PDE1A: variants seen among roughly 807,000 people sequenced by gnomAD.
The protein encoded by PDE1A is dual specificity calcium/calmodulin-dependent 3',5'-cyclic nucleotide phosphodiesterase 1A.
PDE1A carries 35 observed loss-of-function variants against 61.7 expected under a neutral mutation model. The ratio of observed to expected loss-of-function variants is 0.57; its 90% CI spans 0.43 to 0.75. The LOEUF (loss-of-function observed/expected upper bound fraction) is 0.75. Ranked by LOEUF, PDE1A falls within the 30% of genes least tolerant of loss-of-function variation. The probability of loss-of-function intolerance (pLI) is 0.00; values close to 1 mark genes in which losing one functional copy is unlikely to be tolerated. For synonymous variants in PDE1A, 232 were observed against 213.2 expected, an observed-to-expected ratio of 1.09 and a Z score of -0.77; for missense variants, 597 against 630.6, an observed-to-expected ratio of 0.95 and a Z score of 0.57.
At position 182,499,173 on chromosome 2, in the gene PDE1A, G is replaced by GTTTTTTTT. The variant is rs545033513; in HGVS notation, c.101+23095_101+23102dup. On this transcript the variant is annotated intron_variant, in intron 2 of 14. Coordinates refer to the PDE1A transcript ENST00000410103. Reference sequence around the variant, plus strand: ...AGGCTATTTTCTTTCTCTTTTTCTTGTTTTTTTTTTTTTTTTTTTTTGAGA... The same window carrying GTTTTTTTT: ...AGGCTATTTTCTTTCTCTTTTTCTTGTTTTTTTTTTTTTTTTTTTTTTTTTTTTTGAGA... Among the ~76,000 whole-genome samples the GTTTTTTTT allele has an allele frequency of 2.8e-4, 22 of 77,320 alleles. 1 individual carries two copies. The highest frequency in any genetic ancestry group is 7.3e-4 in the African/African-American group (12 of 16,372). The allele number at this position is 77,320 out of a possible 152,430, so 50.7% of individuals were successfully genotyped here.
At chr2:182,634,307 G>A in the PDE1A span, among the ~76,000 whole-genome samples, 2 of 152,140 alleles carry the variant, frequency 1.3e-5, no homozygotes, top group Non-Finnish European at 2.9e-5. Flanking sequence ...CTCAGCTGAT[G>A]AGTTTTGAAC....
chr2:182,264,890 T>TATATAC, intron 1 of PDE1A, among the ~76,000 whole-genome samples: 1 of 139,136 alleles, frequency 7.2e-6, no homozygotes, highest in Admixed American at 7.6e-5. Flanking sequence ...TATATATATA[T>TATATAC]ATGTATATAT....
At chr2:182,500,742 A>C (rs1342910222) in intron 2 of PDE1A, among the ~76,000 whole-genome samples, 1 of 152,218 alleles carries the variant, frequency 6.6e-6, no homozygotes, top group Admixed American at 6.5e-5. Flanking sequence ...CAAAAGGCCA[A>C]AAGTAGATGT....
At chr2:182,231,404 A>T (rs895294787) in intron 4 of PDE1A, among the ~76,000 whole-genome samples, 2 of 152,188 alleles carry the variant, frequency 1.3e-5, no homozygotes, top group African/African-American at 4.8e-5. Context: ...TAATACTGCC[A>T]TTATCTTTAA....
intron 2 of PDE1A, among the ~76,000 whole-genome samples, chr2:182,462,331 GTATATATATATATGTATATCT>G (rs1686358063): frequency 1.3e-5 from 2 of 149,870 alleles, no homozygotes; most frequent in South Asian, 4.2e-4. Context: ...ATATAAAAAA[GTATATATATATATGTATATCT>G]TATATATATG....
At chr2:182,676,988 C>T in the PDE1A span, among the ~76,000 whole-genome samples, 5 of 152,092 alleles carry the variant, frequency 3.3e-5, no homozygotes, top group African/African-American at 1.2e-4. Flanking sequence ...GGAAACATTC[C>T]CCTTGAAAAC....
chr2:182,467,337 C>G (rs1004630371), intron 2 of PDE1A, among the ~76,000 whole-genome samples: 1 of 151,720 alleles, frequency 6.6e-6, no homozygotes, highest in Non-Finnish European at 1.5e-5. Flanking sequence ...AGGGGAAATT[C>G]CTAAATATCA....
the PDE1A span, among the ~76,000 whole-genome samples, chr2:182,611,294 G>A: frequency 2.0e-5 from 3 of 152,060 alleles, no homozygotes; most frequent in South Asian, 6.2e-4. Context: ...AGGAGCGCAG[G>A]AAAAACAAGG....
In PDE1A at chr2:182,337,644, G is replaced by A. The variant is rs551360374; in HGVS notation, c.54-73230C>T. Among the ~76,000 whole-genome samples the A allele has an allele frequency of 1.2e-4, 19 of 152,182 alleles. No individual in the cohort carries two copies. The South Asian group carries it at 3.9e-3, about 32-fold the overall frequency. ...AAGAAACAGAAGCTATCATTAGAAA[G>A]CTGCTTCATTTCCTTTCCCCATCCA... On this transcript the variant is annotated intron_variant, in intron 1 of 13. Transcript: ENST00000351439.
At chr2:182,518,738 C>G (rs1690371815) in intron 2 of PDE1A, among the ~76,000 whole-genome samples, 1 of 152,120 alleles carries the variant, frequency 6.6e-6, no homozygotes, top group Non-Finnish European at 1.5e-5. Flanking sequence ...TTCATACTTT[C>G]TTCTCTTCTC....
intron 1 of PDE1A, among the ~76,000 whole-genome samples, chr2:182,386,262 G>A (rs908044034): frequency 1.4e-4 from 22 of 152,084 alleles, no homozygotes; most frequent in African/African-American, 4.6e-4. Context: ...CTGCCCAGCC[G>A]CCACCCCGTC....
chr2:182,174,695 G>C (rs1437041997), intron 13 of PDE1A, among the ~76,000 whole-genome samples: 1 of 151,892 alleles, frequency 6.6e-6, no homozygotes, highest in African/African-American at 2.4e-5. Flanking sequence ...TGTCCTACAC[G>C]TTGCATAAAA....
chr2:182,373,305 A>G (rs1178480699), intron 1 of PDE1A, among the ~76,000 whole-genome samples: 1 of 152,202 alleles, frequency 6.6e-6, no homozygotes, highest in Non-Finnish European at 1.5e-5. Context: ...TTCAACTTCA[A>G]TAAAATGGTG....
chr2:182,363,892 C>T (rs556510610), intron 1 of PDE1A, among the ~76,000 whole-genome samples: 51 of 151,956 alleles, frequency 3.4e-4, no homozygotes, highest in African/African-American at 1.2e-3. Flanking sequence ...AGGCTCAGAA[C>T]GTATAGATGG....
intron 2 of PDE1A, among the ~76,000 whole-genome samples, chr2:182,502,999 C>A (rs989427147): frequency 2.0e-5 from 3 of 151,180 alleles, no homozygotes; most frequent in African/African-American, 4.9e-5. Context: ...TGTTCAGGTT[C>A]TCTCTTTCTC....
intron 2 of PDE1A, among the ~76,000 whole-genome samples, chr2:182,470,513 A>G (rs1686957979): frequency 6.6e-6 from 1 of 151,886 alleles, no homozygotes. Context: ...AGGAACTTAT[A>G]GTTTAGTAAG....
chr2:182,560,420 T>A, the PDE1A span, among the ~76,000 whole-genome samples: 1 of 151,508 alleles, frequency 6.6e-6, no homozygotes, highest in African/African-American at 2.4e-5. Flanking sequence ...TGCATAGTAT[T>A]CCATGGTGTA....
At chr2:182,460,103 C>T (rs1038336640) in intron 2 of PDE1A, among the ~76,000 whole-genome samples, 23 of 152,092 alleles carry the variant, frequency 1.5e-4, no homozygotes, top group Admixed American at 4.6e-4. Flanking sequence ...TCATTCATTC[C>T]AATCCCTCTT....
At chr2:182,601,817 G>C in the PDE1A span, among the ~76,000 whole-genome samples, 13,064 of 152,212 alleles carry the variant, frequency 0.086, 1,779 homozygotes, top group African/African-American at 0.3. Context: ...CTCTGCTGCT[G>C]GTCATTCCAT....
Sources: allele counts gnomAD v4.1 joint callset (sites outside exome capture counted in the v4.1 genomes callset), GRCh38; gene constraint gnomAD v4.1.1; transcripts MANE v1.5; gene names NCBI Gene and HGNC (gene_info 2026-07-23, HGNC 2026-07-21).